TSPAN7: variants seen among roughly 807,000 people sequenced by gnomAD.
TSPAN7 encodes tetraspanin-7.
Under a neutral mutation model 17.6 loss-of-function variants are expected in TSPAN7, and 1 was observed. The ratio of observed to expected loss-of-function variants is 0.06; its 90% CI spans 0.02 to 0.27. The LOEUF (loss-of-function observed/expected upper bound fraction) is 0.27. Among genes scored for constraint, TSPAN7 ranks in the 10% least tolerant of loss-of-function variants. The pLI is 1.00. For missense variants in TSPAN7, 112 were observed against 201.7 expected, an observed-to-expected ratio of 0.56 and a Z score of 2.69; for synonymous variants, 78 against 79.0, an observed-to-expected ratio of 0.99 and a Z score of 0.07.
intron 1 of TSPAN7, among the ~76,000 whole-genome samples, chrX:38,611,755 G>A (rs994069321): frequency 1.8e-5 from 2 of 111,476 alleles, no homozygotes; most frequent in African/African-American, 6.5e-5. Context: ...AAAATGTATT[G>A]TAAATACAAA....
At chrX:38,644,716 T>G (rs1362493789) in intron 1 of TSPAN7, among the ~76,000 whole-genome samples, 1 of 112,394 alleles carries the variant, frequency 8.9e-6, no homozygotes, top group Non-Finnish European at 1.9e-5. Flanking sequence ...TTTGTAAAAT[T>G]GTGAGGGTTG....
At chrX:38,621,349 A>C (rs1257468414) in intron 1 of TSPAN7, among the ~76,000 whole-genome samples, 6 of 112,302 alleles carry the variant, frequency 5.3e-5, no homozygotes, top group Non-Finnish European at 1.1e-4. Flanking sequence ...TAGTCTTTTT[A>C]ACTTTTAGAA....
intron 1 of TSPAN7, among the ~76,000 whole-genome samples, chrX:38,664,247 A>T (rs901494333): frequency 1.8e-5 from 2 of 111,041 alleles, no homozygotes; most frequent in Admixed American, 9.5e-5. Flanking sequence ...AAAAAAATAT[A>T]TTTTTTTTCT....
At chrX:38,592,539 T>C (rs1406066632) in intron 1 of TSPAN7, among the ~76,000 whole-genome samples, 1 of 111,191 alleles carries the variant, frequency 9.0e-6, no homozygotes, top group African/African-American at 3.3e-5. Flanking sequence ...TATAATTCTT[T>C]ATTTTGTGCT....
intron 3 of TSPAN7, among the ~76,000 whole-genome samples, chrX:38,671,704 G>A (rs1050517147): frequency 8.1e-5 from 9 of 110,889 alleles, no homozygotes; most frequent in African/African-American, 2.6e-4. Context: ...ATTCTCTCCC[G>A]TTATAAAGCA....
intron 1 of TSPAN7, among the ~76,000 whole-genome samples, chrX:38,587,733 T>C (rs371530666): frequency 8.9e-6 from 1 of 111,848 alleles, no homozygotes; most frequent in African/African-American, 3.3e-5. Context: ...AGTTTCTATA[T>C]TGTGAAACAG....
At chrX:38,685,453 C>G (rs896282516) in intron 6 of TSPAN7, among the ~76,000 whole-genome samples, 2 of 111,490 alleles carry the variant, frequency 1.8e-5, no homozygotes, top group Non-Finnish European at 3.8e-5. Context: ...AACCCCATCT[C>G]TACTAAAAAT....
Position 38,674,276 on chromosome X carries a change from A to G in TSPAN7, c.401A>G (p.Asn134Ser), listed in dbSNP as rs2069839350. ...YTDAMQTYNG[N>S]DERSRAVDHV... ...GACGCTATGCAGACTTACAATGGCA[A>G]TGATGAGAGGAGCCGGGCAGTGGAC... Residue 134 changes from asparagine to serine, a missense_variant, in exon 4 of 8, where the codon AAT becomes AGT. Asn to Ser is a conservative substitution (Grantham distance 46). Coordinates refer to ENST00000378482, the MANE Select transcript of TSPAN7 (RefSeq NM_004615.4). 8.3e-7 allele frequency: 1 copy of G among 1,200,736 alleles called. No individual in the cohort carries two copies. The highest frequency in any genetic ancestry group is 1.1e-6 in the Non-Finnish European group (1 of 889,470).
intron 1 of TSPAN7, among the ~76,000 whole-genome samples, chrX:38,566,856 T>G (rs2069146083): frequency 8.9e-6 from 1 of 112,059 alleles, no homozygotes; most frequent in Admixed American, 9.4e-5. Context: ...TATTTATACA[T>G]TTTTAATGTA....
At chrX:38,577,740 C>T in intron 1 of TSPAN7, among the ~76,000 whole-genome samples, 1 of 106,327 alleles carries the variant, frequency 9.4e-6, no homozygotes, top group Admixed American at 1.0e-4. Flanking sequence ...GTGCAGCACA[C>T]TAACATGGCA....
intron 3 of TSPAN7, 35 bp downstream of exon 3, chrX:38,671,485 G>A (rs1169941617): frequency 3.4e-6 from 4 of 1,165,670 alleles, no homozygotes; most frequent in Admixed American, 2.2e-5. Context: ...TCAGTTAAGG[G>A]GTGTTTGGGA....
chrX:38,625,931 A>T (rs2069520171), intron 1 of TSPAN7, among the ~76,000 whole-genome samples: 1 of 112,026 alleles, frequency 8.9e-6, no homozygotes. Flanking sequence ...ACATTATCTT[A>T]TGGAGAGTGG....
At chrX:38,599,596 T>C (rs143142609) in intron 1 of TSPAN7, among the ~76,000 whole-genome samples, 88 of 111,483 alleles carry the variant, frequency 7.9e-4, no homozygotes, top group African/African-American at 2.7e-3. Flanking sequence ...GCCAGCCTTT[T>C]TTGAGTCAAT....
At position 38,643,823 on chromosome X, in the gene TSPAN7, C is replaced by T. The variant is rs745440218; in HGVS notation, c.82-22298C>T. Among the ~76,000 whole-genome samples, 6 of 110,800 alleles carry T rather than the reference C, an allele frequency of 5.4e-5. No homozygotes were observed. The South Asian group carries it at 1.2e-3, about 21-fold the overall frequency. ...TCGCGCCACTGCACTCCAGCCTGGGCGACAGAGCGAGACTCCGTCTCAAAA... is the reference window on the plus strand; with the variant it reads ...TCGCGCCACTGCACTCCAGCCTGGGTGACAGAGCGAGACTCCGTCTCAAAA... On this transcript the variant is annotated intron_variant, in intron 1 of 7. Transcript: ENST00000378482.
intron 1 of TSPAN7, among the ~76,000 whole-genome samples, chrX:38,579,916 T>C (rs1175281009): frequency 8.9e-6 from 1 of 112,475 alleles, no homozygotes; most frequent in Non-Finnish European, 1.9e-5. Flanking sequence ...CAGTTGGGCT[T>C]ATTTTTATAC....
At chrX:38,602,743 T>G (rs894304329) in intron 1 of TSPAN7, among the ~76,000 whole-genome samples, 2 of 111,349 alleles carry the variant, frequency 1.8e-5, no homozygotes, top group Non-Finnish European at 1.9e-5. Flanking sequence ...AGGGAAGGTC[T>G]CTCAAAGGTG....
intron 1 of TSPAN7, among the ~76,000 whole-genome samples, chrX:38,631,885 T>C (rs2147429909): frequency 8.9e-6 from 1 of 112,365 alleles, no homozygotes; most frequent in East Asian, 2.8e-4. Context: ...TTGTACCTTA[T>C]GCAAAGTTAA....
intron 1 of TSPAN7, among the ~76,000 whole-genome samples, chrX:38,594,065 A>G (rs1280203481): frequency 8.9e-6 from 1 of 112,186 alleles, no homozygotes; most frequent in Non-Finnish European, 1.9e-5. Flanking sequence ...ATATGTAAAC[A>G]TGTGTCTGTA....
chrX:38,562,859 T>G (rs1354550005), intron 1 of TSPAN7: 2 of 554,842 alleles, frequency 3.6e-6, no homozygotes, highest in Non-Finnish European at 4.8e-6. Flanking sequence ...GGCAGTCATT[T>G]TGAAATCTGA....
Sources: gnomAD v4.1 joint callset for allele counts (sites outside exome capture counted in the v4.1 genomes callset) on GRCh38, gnomAD v4.1.1 for gene constraint, MANE v1.5 for transcripts, NCBI Gene and HGNC (gene_info 2026-07-23, HGNC 2026-07-21) for gene names.